Variants in SYT1 observed in about 807,000 individuals in gnomAD.
The protein encoded by SYT1 is synaptotagmin 1.
In SYT1, 8 loss-of-function variants were observed where a neutral mutation model predicts 44.8. That is an observed-to-expected ratio of 0.18 (90% CI 0.10 to 0.32). The LOEUF (loss-of-function observed/expected upper bound fraction) is 0.32, where lower values mean the gene tolerates loss of function less well. Among genes scored for constraint, SYT1 ranks in the 10% least tolerant of loss-of-function variants. The pLI, the probability that SYT1 is intolerant of heterozygous loss-of-function variation, is 1.00. For synonymous variants in SYT1, 154 were observed against 188.8 expected (o/e 0.82, Z 1.51); for missense variants, 286 against 509.3 (o/e 0.56, Z 4.22).
intron 1 of SYT1, among the ~76,000 whole-genome samples, chr12:78,914,321 T>C (rs1876519018): frequency 6.6e-6 from 1 of 151,794 alleles, no homozygotes; most frequent in South Asian, 2.1e-4. Context: ...AAGAGTGAGG[T>C]GCATAACTGG....
intron 1 of SYT1, among the ~76,000 whole-genome samples, chr12:78,885,355 C>CGAAG (rs907151854): frequency 1.7e-4 from 10 of 57,236 alleles, no homozygotes; most frequent in East Asian, 5.6e-4. Context: ...AAGGAAGGAA[C>CGAAG]GAAGGAAGGA....
intron 8 of SYT1, among the ~76,000 whole-genome samples, chr12:79,311,938 C>T (rs1394577106): frequency 2.5e-4 from 38 of 149,734 alleles, no homozygotes; most frequent in African/African-American, 8.6e-4. Flanking sequence ...TTAATGGGTG[C>T]AGCACACCAG....
intron 3 of SYT1, among the ~76,000 whole-genome samples, chr12:79,195,972 C>A (rs566337081): frequency 2.0e-5 from 3 of 152,132 alleles, no homozygotes; most frequent in Non-Finnish European, 2.9e-5. Context: ...TTAAAGACTA[C>A]AAATTCTCTT....
At chr12:78,990,235 T>A (rs1255965995) in intron 2 of SYT1, among the ~76,000 whole-genome samples, 1 of 152,130 alleles carries the variant, frequency 6.6e-6, no homozygotes, top group Admixed American at 6.6e-5. Context: ...CATTTGTTTC[T>A]GAGACTCTCC....
At chr12:79,098,026 T>C (rs1042785266) in intron 3 of SYT1, among the ~76,000 whole-genome samples, 1 of 152,088 alleles carries the variant, frequency 6.6e-6, no homozygotes, top group African/African-American at 2.4e-5. Flanking sequence ...TCTATTTTGT[T>C]TTCTCCTAGT....
At chr12:79,289,740 T>C (rs1054628679) in intron 5 of SYT1, among the ~76,000 whole-genome samples, 3 of 152,280 alleles carry the variant, frequency 2.0e-5, no homozygotes, top group Non-Finnish European at 4.4e-5. Context: ...TGTTATTATT[T>C]TTTAAAAACC....
At chr12:79,052,706 A>T (rs1209015001) in intron 3 of SYT1, among the ~76,000 whole-genome samples, 1 of 152,218 alleles carries the variant, frequency 6.6e-6, no homozygotes, top group Non-Finnish European at 1.5e-5. Flanking sequence ...GGATATGAAC[A>T]GACGCTTCTC....
At chr12:78,938,424 A>G (rs901669294) in intron 1 of SYT1, among the ~76,000 whole-genome samples, 2 of 152,184 alleles carry the variant, frequency 1.3e-5, no homozygotes, top group African/African-American at 4.8e-5. Flanking sequence ...TAAAGTATGA[A>G]TTAGCAGCGG....
Position 79,041,329 on chromosome 12 carries a change from A to G in SYT1, c.-83-5968A>G, listed in dbSNP as rs895239621. Among the ~76,000 whole-genome samples, 107 of 152,270 alleles carry G rather than the reference A, an allele frequency of 7.0e-4. 2 individuals are homozygous for G. The East Asian group carries it at 0.019, about 27-fold the overall frequency. On this transcript the variant is annotated intron_variant, in intron 2 of 10. Transcript: ENST00000261205. Reference sequence around the variant, plus strand: ...CAGTGGTTTGTAGTTCTCCTTGAAGAGGTCCTTCACATCCCCTGTAAGTTG... The same window carrying G: ...CAGTGGTTTGTAGTTCTCCTTGAAGGGGTCCTTCACATCCCCTGTAAGTTG...
chr12:79,384,531 G>T (rs1431677096), intron 9 of SYT1, among the ~76,000 whole-genome samples: 1 of 152,104 alleles, frequency 6.6e-6, no homozygotes, highest in East Asian at 1.9e-4. Context: ...CATGTAAAAT[G>T]TATGTGAATT....
At chr12:79,047,695 C>G (rs1384544172) in intron 3 of SYT1, among the ~76,000 whole-genome samples, 3 of 151,696 alleles carry the variant, frequency 2.0e-5, no homozygotes, top group African/African-American at 7.3e-5. Context: ...CTCATTTTCT[C>G]CATATGTGAT....
intron 4 of SYT1, among the ~76,000 whole-genome samples, chr12:79,269,684 G>A (rs937692210): frequency 6.6e-5 from 10 of 151,524 alleles, no homozygotes; most frequent in African/African-American, 2.4e-4. Flanking sequence ...ATTACCAACT[G>A]TATGAAAAAG....
At chr12:79,391,722 A>G (rs547785936) in intron 9 of SYT1, among the ~76,000 whole-genome samples, 1 of 152,368 alleles carries the variant, frequency 6.6e-6, no homozygotes, top group East Asian at 1.9e-4. Context: ...AGTAAGAATT[A>G]CAAATGATTA....
chr12:79,332,493 A>G (rs949028770), intron 8 of SYT1, among the ~76,000 whole-genome samples: 1 of 152,192 alleles, frequency 6.6e-6, no homozygotes, highest in Non-Finnish European at 1.5e-5. Context: ...ACAACATGCA[A>G]TGCATTTAAG....
intron 9 of SYT1, among the ~76,000 whole-genome samples, chr12:79,414,711 T>C (rs1868627905): frequency 6.6e-6 from 1 of 152,004 alleles, no homozygotes; most frequent in South Asian, 2.1e-4. Flanking sequence ...TTAATATAAA[T>C]AAAGGGCAGA....
At chr12:78,991,668 A>G (rs1870030460) in intron 2 of SYT1, among the ~76,000 whole-genome samples, 1 of 152,124 alleles carries the variant, frequency 6.6e-6, no homozygotes, top group Non-Finnish European at 1.5e-5. Flanking sequence ...TAGAGAAATA[A>G]TTTTGATTTT....
chr12:79,432,125 T>A (rs1483254066), intron 9 of SYT1, among the ~76,000 whole-genome samples: 2 of 152,064 alleles, frequency 1.3e-5, no homozygotes, highest in East Asian at 3.9e-4. Flanking sequence ...GTTCAAGGTT[T>A]CTCTTTTTAA....
intron 9 of SYT1, among the ~76,000 whole-genome samples, chr12:79,420,663 G>T (rs1869052443): frequency 6.6e-6 from 1 of 152,116 alleles, no homozygotes; most frequent in Non-Finnish European, 1.5e-5. Flanking sequence ...GCACAAGAGA[G>T]ATATGATGTG....
At chr12:78,930,672 T>C (rs1185721827) in intron 1 of SYT1, among the ~76,000 whole-genome samples, 1 of 150,572 alleles carries the variant, frequency 6.6e-6, no homozygotes, top group Non-Finnish European at 1.5e-5. Context: ...CATTGGGAGG[T>C]TGGGAAGTGG....
Sources: gnomAD v4.1 joint callset for allele counts (sites outside exome capture counted in the v4.1 genomes callset) on GRCh38, gnomAD v4.1.1 for gene constraint, MANE v1.5 for transcripts, NCBI Gene and HGNC (gene_info 2026-07-23, HGNC 2026-07-21) for gene names.